Variants in UTRN observed in about 807,000 individuals in gnomAD.
UTRN encodes dystrophin-related protein 1.
Under a neutral mutation model 463.9 loss-of-function variants are expected in UTRN, and 283 were observed. The observed-to-expected ratio is 0.61, with a 90% confidence interval of 0.55 to 0.67. UTRN has a LOEUF of 0.67. UTRN is among the 30% of genes least tolerant of loss of function. The probability of loss-of-function intolerance (pLI) is 0.00; values close to 1 mark genes in which losing one functional copy is unlikely to be tolerated. For synonymous variants in UTRN, 1,442 were observed against 1,431.5 expected, an observed-to-expected ratio of 1.01 and a Z score of -0.17; for missense variants, 3,922 against 4,084.3, an observed-to-expected ratio of 0.96 and a Z score of 1.08.
intron 61 of UTRN, among the ~76,000 whole-genome samples, chr6:144,786,589 G>A (rs1361024792): frequency 6.6e-6 from 1 of 152,020 alleles, no homozygotes; most frequent in African/African-American, 2.4e-5. Context: ...GGGCCTGAAT[G>A]TGTCTTATCT....
At chr6:144,741,390 G>A (rs1352694716) in intron 54 of UTRN, among the ~76,000 whole-genome samples, 1 of 151,998 alleles carries the variant, frequency 6.6e-6, no homozygotes, top group Non-Finnish European at 1.5e-5. Flanking sequence ...AAGAGAAAGG[G>A]GAGAATTTTC....
chr6:144,414,608 A>G (rs1784210588), intron 3 of UTRN, among the ~76,000 whole-genome samples: 1 of 152,196 alleles, frequency 6.6e-6, no homozygotes, highest in Non-Finnish European at 1.5e-5. Flanking sequence ...CAACAGTAGT[A>G]TACAGTAATG....
chr6:144,568,034 G>C (rs781090599), intron 50 of UTRN, among the ~76,000 whole-genome samples: 1 of 152,028 alleles, frequency 6.6e-6, no homozygotes, highest in Non-Finnish European at 1.5e-5. Flanking sequence ...AGGCTATAGG[G>C]TGTCATAGCT....
At chr6:144,802,001 GAGAGGCTA>G (rs1295147656) in intron 64 of UTRN, among the ~76,000 whole-genome samples, 1 of 152,182 alleles carries the variant, frequency 6.6e-6, no homozygotes, top group African/African-American at 2.4e-5. Flanking sequence ...ACATCAGCAA[GAGAGGCTA>G]AGAAACAGTA....
At chr6:144,345,315 A>G (rs1029417118) in intron 2 of UTRN, among the ~76,000 whole-genome samples, 31 of 152,134 alleles carry the variant, frequency 2.0e-4, no homozygotes, top group African/African-American at 7.2e-4. Context: ...ATTAACTGTT[A>G]CTTCTTTCTT....
At chr6:144,322,938 G>A (rs1052641263) in intron 2 of UTRN, among the ~76,000 whole-genome samples, 3 of 141,398 alleles carry the variant, frequency 2.1e-5, no homozygotes, top group Non-Finnish European at 3.1e-5. Context: ...GTGAGACTCC[G>A]TCTCAAAAAA....
At chr6:144,622,817 A>G (rs1775569670) in intron 51 of UTRN, among the ~76,000 whole-genome samples, 1 of 152,224 alleles carries the variant, frequency 6.6e-6, no homozygotes, top group Non-Finnish European at 1.5e-5. Context: ...TCCCATCTGC[A>G]TTGGAAAGTG....
intron 64 of UTRN, among the ~76,000 whole-genome samples, chr6:144,801,476 A>G (rs540467818): frequency 6.6e-6 from 1 of 152,334 alleles, no homozygotes; most frequent in Non-Finnish European, 1.5e-5. Flanking sequence ...TGTCTATTAT[A>G]GAATAATCTT....
intron 52 of UTRN, among the ~76,000 whole-genome samples, chr6:144,685,546 TAATGG>T (rs1782662529): frequency 6.6e-6 from 1 of 152,210 alleles, no homozygotes. Context: ...GACTTTTTAA[TAATGG>T]CCGTTCTGGT....
At chr6:144,631,611 A>G (rs1776532696) in intron 51 of UTRN, among the ~76,000 whole-genome samples, 1 of 152,172 alleles carries the variant, frequency 6.6e-6, no homozygotes, top group Admixed American at 6.5e-5. Context: ...ACAGGTAATC[A>G]AGGATGTTGA....
intron 2 of UTRN, among the ~76,000 whole-genome samples, chr6:144,336,154 C>T (rs1472655766): frequency 6.6e-6 from 1 of 152,130 alleles, no homozygotes. Context: ...GGCTGAGATG[C>T]CTACAGGTGT....
rs537714308 is a variant in UTRN at position 144,385,685 on chromosome 6, A to T, written c.80-17438A>T. On this transcript the variant is annotated intron_variant, in intron 2 of 74. Transcript: ENST00000367545. ...AGACTCACAGTAGACTATTAAATAA[A>T]GACAGTGCTGCCAGAACTCTATTTT... is the stretch of plus-strand genomic sequence containing the variant. Among the ~76,000 whole-genome samples, 94 of 151,944 alleles carry T rather than the reference A, an allele frequency of 6.2e-4. No individual in the cohort carries two copies. In the East Asian group the frequency reaches 0.014, roughly 23 times the overall value.
chr6:144,786,835 G>C (rs1158338469), intron 61 of UTRN, among the ~76,000 whole-genome samples: 1 of 152,144 alleles, frequency 6.6e-6, no homozygotes, highest in Non-Finnish European at 1.5e-5. Context: ...TGTCTCATAT[G>C]TTTTCTAGTT....
intron 53 of UTRN, among the ~76,000 whole-genome samples, chr6:144,727,370 T>A (rs1156382530): frequency 6.6e-6 from 1 of 152,248 alleles, no homozygotes; most frequent in African/African-American, 2.4e-5. Flanking sequence ...CTTCATCTTC[T>A]CTTCAGTGGC....
chr6:144,550,911 T>A (rs181247081), intron 47 of UTRN, 54 bp from the exon 48 acceptor site: 2 of 1,457,566 alleles, frequency 1.4e-6, no homozygotes, highest in African/African-American at 2.9e-5. Flanking sequence ...TTTTGCTTAT[T>A]ATTCTTCTCA....
intron 2 of UTRN, among the ~76,000 whole-genome samples, chr6:144,297,791 T>C (rs1804862531): frequency 1.3e-5 from 2 of 152,238 alleles, no homozygotes; most frequent in African/African-American, 2.4e-5. Flanking sequence ...AGAAAGTTTT[T>C]TTGTATTAAT....
At chr6:144,517,009 A>G (rs1441088702) in intron 39 of UTRN, 61 bp downstream of exon 39, 1 of 1,340,284 alleles carries the variant, frequency 7.5e-7, no homozygotes, top group Non-Finnish European at 9.7e-7. Context: ...TGCCATTCAG[A>G]TGTGTGATGC....
At chr6:144,670,855 G>A (rs1780938790) in intron 51 of UTRN, among the ~76,000 whole-genome samples, 1 of 152,040 alleles carries the variant, frequency 6.6e-6, no homozygotes, top group Non-Finnish European at 1.5e-5. Context: ...TCTACATGTG[G>A]CTTACCAATT....
chr6:144,298,263 C>T (rs1008185250), intron 2 of UTRN, among the ~76,000 whole-genome samples: 3 of 152,156 alleles, frequency 2.0e-5, no homozygotes, highest in African/African-American at 7.2e-5. Flanking sequence ...TATACTTACT[C>T]TCGAGATGAT....
Sources: gnomAD v4.1 joint callset for allele counts (sites outside exome capture counted in the v4.1 genomes callset) on GRCh38, gnomAD v4.1.1 for gene constraint, MANE v1.5 for transcripts, NCBI Gene and HGNC (gene_info 2026-07-23, HGNC 2026-07-21) for gene names.